INPP4A: variants seen among roughly 807,000 people sequenced by gnomAD.
INPP4A encodes the protein inositol polyphosphate-4-phosphatase type I A.
In INPP4A, 33 loss-of-function variants were observed where a neutral mutation model predicts 119.8. The ratio of observed to expected loss-of-function variants is 0.28; its 90% confidence interval spans 0.21 to 0.37. INPP4A has a LOEUF of 0.37. Ranked by LOEUF, INPP4A falls within the 10% of genes least tolerant of loss-of-function variation. The pLI is 1.00. For missense variants in INPP4A, 956 were observed against 1,289.9 expected (o/e 0.74, Z 3.97); for synonymous variants, 496 against 500.7 (o/e 0.99, Z 0.12).
At chr2:98,467,508 C>T (rs1391785776) in intron 1 of INPP4A, among the ~76,000 whole-genome samples, 1 of 152,196 alleles carries the variant, frequency 6.6e-6, no homozygotes, top group Admixed American at 6.5e-5. Context: ...TTAGCGACAC[C>T]GTCCACATGT....
intron 24 of INPP4A, among the ~76,000 whole-genome samples, chr2:98,584,535 C>T (rs1699731954): frequency 6.6e-6 from 1 of 152,284 alleles, no homozygotes; most frequent in African/African-American, 2.4e-5. Flanking sequence ...GGCCGAGGAG[C>T]CCCTCCCAGG....
chr2:98,516,073 G>A (rs562327716), intron 1 of INPP4A, among the ~76,000 whole-genome samples: 1 of 152,250 alleles, frequency 6.6e-6, no homozygotes, highest in Admixed American at 6.5e-5. Flanking sequence ...CTCCTCTTCT[G>A]CTTAAGTGCA....
intron 13 of INPP4A, chr2:98,549,107 A>G (rs1023819368): frequency 2.9e-6 from 2 of 678,924 alleles, no homozygotes; most frequent in East Asian, 5.8e-5. Flanking sequence ...CCTCATAAAC[A>G]GTCCTCCCTT....
At chr2:98,568,010 G>A (rs1451688891) in intron 21 of INPP4A, among the ~76,000 whole-genome samples, 2 of 152,244 alleles carry the variant, frequency 1.3e-5, no homozygotes, top group Non-Finnish European at 2.9e-5. Flanking sequence ...TTCCTTGCAG[G>A]TGGCATTTTA....
intron 17 of INPP4A, among the ~76,000 whole-genome samples, chr2:98,562,104 C>T (rs1695582359): frequency 6.6e-6 from 1 of 152,220 alleles, no homozygotes. Context: ...TTTTCCACCT[C>T]TCAGTTCAGT....
In INPP4A at chr2:98,552,825, G is replaced by A; in HGVS notation, c.1203G>A (p.Gln401=). 6.2e-7 allele frequency: 1 copy of A among 1,613,878 alleles called. No individual in the cohort carries two copies. Among genetic ancestry groups the A allele is most frequent in the Non-Finnish European group, 8.5e-7 (1 of 1,179,802 alleles). Residue 401 remains glutamine (Q), a synonymous_variant, in exon 14 of 25, where the codon CAG becomes CAA. Transcript: ENST00000409851. ...GCCAGTCCATAATCTACATACCCCA[G>A]GATGTTGTCAGAGCCAAGGAGATCA... ...SGCQSIIYIP[Q]DVVRAKEIIA...
intron 1 of INPP4A, among the ~76,000 whole-genome samples, chr2:98,493,054 C>T (rs536889050): frequency 4.6e-5 from 7 of 152,324 alleles, no homozygotes; most frequent in East Asian, 3.9e-4. Context: ...ATCAGGTGGA[C>T]GTGGTTGGCT....
intron 17 of INPP4A, among the ~76,000 whole-genome samples, chr2:98,560,624 T>G (rs986904895): frequency 6.6e-6 from 1 of 152,212 alleles, no homozygotes; most frequent in Admixed American, 6.5e-5. Flanking sequence ...GAGGCCTTGG[T>G]AGATGTACAA....
At chr2:98,473,327 GGAGGGCAGTGT>G (rs1676519549) in intron 1 of INPP4A, among the ~76,000 whole-genome samples, 3 of 151,018 alleles carry the variant, frequency 2.0e-5, no homozygotes, top group South Asian at 2.1e-4. Flanking sequence ...TGGAGAGTGA[GGAGGGCAGTGT>G]GGGTGGAGTG....
At chr2:98,530,182 G>A (rs1176416784) in intron 4 of INPP4A, among the ~76,000 whole-genome samples, 13 of 150,006 alleles carry the variant, frequency 8.7e-5, no homozygotes, top group African/African-American at 3.2e-4. Flanking sequence ...TCTACCATAA[G>A]GACAACTAGA....
chr2:98,465,896 CCCTCCCCCTT>C, intron 1 of INPP4A, among the ~76,000 whole-genome samples: 1 of 152,188 alleles, frequency 6.6e-6, no homozygotes, highest in Admixed American at 6.5e-5. Flanking sequence ...CACTCTAGCG[CCCTCCCCCTT>C]CCTCTCTGGC....
intron 24 of INPP4A, chr2:98,581,723 A>G (rs1385782300): frequency 6.2e-7 from 1 of 1,612,498 alleles, no homozygotes. Flanking sequence ...TTCTGAGCAT[A>G]GCATACCTGG....
intron 1 of INPP4A, among the ~76,000 whole-genome samples, chr2:98,446,160 G>C (rs1417374263): frequency 6.6e-6 from 1 of 152,270 alleles, no homozygotes; most frequent in Non-Finnish European, 1.5e-5. Context: ...GGTGAGAGCA[G>C]AGCCTTTTTT....
At chr2:98,488,520 G>A (rs745865412) in intron 1 of INPP4A, among the ~76,000 whole-genome samples, 3 of 152,126 alleles carry the variant, frequency 2.0e-5, no homozygotes, top group Non-Finnish European at 2.9e-5. Flanking sequence ...TCTCTGTCAC[G>A]GTGATGTCTT....
intron 7 of INPP4A, among the ~76,000 whole-genome samples, chr2:98,537,364 C>G (rs1690502700): frequency 6.6e-6 from 1 of 152,188 alleles, no homozygotes; most frequent in Non-Finnish European, 1.5e-5. Flanking sequence ...TGTGTCATAT[C>G]AGGATTCAAG....
intron 19 of INPP4A, 140 bp from the exon 20 acceptor site, chr2:98,565,500 G>C: frequency 2.5e-6 from 2 of 788,000 alleles, no homozygotes; most frequent in Non-Finnish European, 3.8e-6. Flanking sequence ...AGGGGAAGAG[G>C]CTCAGAGACT....
intron 1 of INPP4A, among the ~76,000 whole-genome samples, chr2:98,470,667 C>CT (rs1261496406): frequency 8.8e-4 from 129 of 145,972 alleles, no homozygotes; most frequent in Middle Eastern, 3.5e-3. Context: ...TTCTTTTTTT[C>CT]TTTTTTTTTT....
chr2:98,539,446 T>C (rs1260325049), intron 9 of INPP4A, 82 bp from the exon 10 acceptor site: 24 of 1,475,038 alleles, frequency 1.6e-5, no homozygotes, highest in Non-Finnish European at 2.1e-5. Flanking sequence ...TCACCATCCC[T>C]GAGGGCCGGG....
intron 1 of INPP4A, among the ~76,000 whole-genome samples, chr2:98,464,096 T>A (rs1674218916): frequency 6.6e-6 from 1 of 152,182 alleles, no homozygotes; most frequent in African/African-American, 2.4e-5. Context: ...TAAGATACTC[T>A]TGAGGTTTTG....
Sources: allele counts gnomAD v4.1 joint callset (sites outside exome capture counted in the v4.1 genomes callset), GRCh38; gene constraint gnomAD v4.1.1; transcripts MANE v1.5; gene names NCBI Gene and HGNC (gene_info 2026-07-23, HGNC 2026-07-21).